Variants in CCDC150 observed in about 807,000 individuals in gnomAD.
The protein encoded by CCDC150 is coiled-coil domain-containing protein 150.
CCDC150 carries 151 observed loss-of-function variants against 156.5 expected under a neutral mutation model. The observed-to-expected ratio is 0.97, with a 90% CI of 0.85 to 1.10. The LOEUF is 1.10. Ranked by LOEUF, CCDC150 falls within the 50% of genes least tolerant of loss-of-function variation. CCDC150 has a pLI of 0.00. For synonymous variants in CCDC150, 452 were observed against 429.4 expected (o/e 1.05, Z -0.65); for missense variants, 1,312 against 1,268.1 (o/e 1.03, Z -0.53).
intron 13 of CCDC150, among the ~76,000 whole-genome samples, chr2:196,692,926 T>C (rs1410209996): frequency 6.6e-6 from 1 of 152,210 alleles, no homozygotes; most frequent in Non-Finnish European, 1.5e-5. Context: ...TGCTAAAATC[T>C]CCCACTGTTA....
At chr2:196,717,540 A>G (rs1053149538) in intron 17 of CCDC150, among the ~76,000 whole-genome samples, 2 of 152,196 alleles carry the variant, frequency 1.3e-5, no homozygotes, top group African/African-American at 2.4e-5. Context: ...TAATGTATGC[A>G]TGTCAATTTC....
chr2:196,704,507 G>A (rs751323352), intron 15 of CCDC150, among the ~76,000 whole-genome samples: 3 of 152,018 alleles, frequency 2.0e-5, no homozygotes, highest in South Asian at 2.1e-4. Flanking sequence ...ACTAGATTTT[G>A]TTATATTTCC....
At chr2:196,708,001 T>C (rs971900004) in intron 15 of CCDC150, among the ~76,000 whole-genome samples, 16 of 152,010 alleles carry the variant, frequency 1.1e-4, no homozygotes, top group African/African-American at 3.9e-4. Flanking sequence ...GGGTGGAGAG[T>C]TCTGTAGATG....
chr2:196,663,407 T>G (rs1693665026), intron 5 of CCDC150, among the ~76,000 whole-genome samples: 1 of 152,218 alleles, frequency 6.6e-6, no homozygotes, highest in Non-Finnish European at 1.5e-5. Context: ...AAGATGTTAG[T>G]TTTCATTTAT....
chr2:196,676,675 G>T lies in CCDC150; in HGVS notation c.1384G>T (p.Ala462Ser). The change falls in exon 12 of 28, where the codon GCA (alanine) becomes TCA (serine). Residue 462 changes from alanine (A) to serine (S), a missense_variant. Transcript: ENST00000389175. Reference protein sequence around the residue: ...TIARLRGELEASMQEKKSLLE... With the variant: ...TIARLRGELESSMQEKKSLLE... ...TGCAAGATTGCGAGGTGAATTGGAA[G>T]CATCAATGCAAGAGAAGAAGTCTCT... 8 of 1,613,830 alleles carry T rather than the reference G, an allele frequency of 5.0e-6. No individual in the cohort carries two copies. The highest frequency in any genetic ancestry group is 6.8e-6 in the Non-Finnish European group (8 of 1,179,778).
chr2:196,678,780 C>G (rs1347717358), intron 13 of CCDC150, among the ~76,000 whole-genome samples: 2 of 152,072 alleles, frequency 1.3e-5, no homozygotes, highest in Admixed American at 6.5e-5. Flanking sequence ...GTGGCGCACA[C>G]CTGTAATCCC....
chr2:196,656,112 A>G (rs554280197), intron 2 of CCDC150, among the ~76,000 whole-genome samples: 1 of 152,242 alleles, frequency 6.6e-6, no homozygotes, highest in South Asian at 2.1e-4. Context: ...ACACCCATAT[A>G]TAATCACCTC....
intron 13 of CCDC150, among the ~76,000 whole-genome samples, chr2:196,689,171 G>C (rs1695290233): frequency 6.6e-6 from 1 of 152,154 alleles, no homozygotes; most frequent in Admixed American, 6.5e-5. Context: ...TTTGAAGTCA[G>C]GTAGTGTGAT....
Position 196,676,199 on chromosome 2 carries a change from A to G in CCDC150, c.1194A>G (p.Ala398=), listed in dbSNP as rs367679012. Residue 398 remains alanine, a synonymous_variant, in exon 11 of 28, where the codon GCA becomes GCG. Coordinates refer to ENST00000389175, the MANE Select transcript of CCDC150 (RefSeq NM_001080539.2). ...TFQEQNLLLD[A]AHASITNELQ... ...AAGAACAAAACTTATTGCTGGATGC[A>G]GCCCATGCCAGTATCACAAATGAAC... The G allele has an allele frequency of 1.8e-5, 29 of 1,613,474 alleles. No individual in the cohort carries two copies. Among genetic ancestry groups the G allele is most frequent in the Non-Finnish European group, 2.5e-5 (29 of 1,179,540 alleles).
At chr2:196,726,556 T>C (rs1165177829) in intron 22 of CCDC150, 1 of 155,418 alleles carries the variant, frequency 6.4e-6, no homozygotes, top group Non-Finnish European at 1.4e-5. Flanking sequence ...ATCAGAGAAC[T>C]TTCTTGGGTA....
In CCDC150 at chr2:196,732,434, T is replaced by C; in HGVS notation, c.3190-12T>C. ...TGAACAGTCAGTGTTAGGTGTGTTT[T>C]CTTTCCAACAGGACCAAGATGTAAA... On this transcript the variant is annotated splice_polypyrimidine_tract_variant and intron_variant, in intron 27 of 27. Transcript: ENST00000389175. 6.3e-7 allele frequency: 1 copy of C among 1,599,486 alleles called. No individual in the cohort carries two copies. The highest frequency in any genetic ancestry group is 1.1e-5 in the South Asian group (1 of 90,794).
intron 13 of CCDC150, among the ~76,000 whole-genome samples, chr2:196,693,891 G>T (rs899638004): frequency 6.6e-6 from 1 of 151,848 alleles, no homozygotes. Flanking sequence ...GTATTAAGAT[G>T]GTTATATGGG....
At chr2:196,677,249 A>G (rs1694563459) in intron 12 of CCDC150, 44 bp from the exon 13 acceptor site, 2 of 1,311,348 alleles carry the variant, frequency 1.5e-6, no homozygotes, top group Non-Finnish European at 2.2e-6. Flanking sequence ...GTCAGCTGCT[A>G]TAAAATTGAC....
intron 15 of CCDC150, among the ~76,000 whole-genome samples, chr2:196,704,793 A>G (rs1235709110): frequency 2.0e-5 from 3 of 152,114 alleles, no homozygotes; most frequent in Non-Finnish European, 4.4e-5. Context: ...GAGTGAGAAC[A>G]TGGGGTGTTT....
At chr2:196,660,491 T>C (rs753511290) in intron 5 of CCDC150, among the ~76,000 whole-genome samples, 7 of 152,308 alleles carry the variant, frequency 4.6e-5, no homozygotes, top group African/African-American at 1.7e-4. Context: ...TTGTCAGTGT[T>C]TTGAATTTTT....
intron 13 of CCDC150, among the ~76,000 whole-genome samples, chr2:196,679,536 A>G (rs1421804679): frequency 6.6e-6 from 1 of 152,200 alleles, no homozygotes. Flanking sequence ...CCATTCACCA[A>G]CTGAAGGACA....
rs1694544759 is a variant in CCDC150 at position 196,676,979 on chromosome 2, G to T, written c.1440+248G>T. On this transcript the variant is annotated intron_variant, in intron 12 of 27. Transcript: ENST00000389175. ...TAGTAATTCACACATCCTGGTGTTAGTTAAGGGGTCAGATTTTAAAAATTG... is the reference window on the plus strand; with the variant it reads ...TAGTAATTCACACATCCTGGTGTTATTTAAGGGGTCAGATTTTAAAAATTG... 4.6e-6 allele frequency: 3 copies of T among 650,610 alleles called. No individual in the cohort carries two copies. The Admixed American group carries it at 6.3e-5, about 14-fold the overall frequency. 40.3% of individuals were successfully genotyped at this position (650,610 alleles called of 1,614,324 possible). A position where few individuals can be genotyped will look rare whatever the true frequency, so the allele number is the denominator to read the frequency against.
At chr2:196,718,843 T>TA (rs1432119604) in intron 18 of CCDC150, among the ~76,000 whole-genome samples, 2 of 152,192 alleles carry the variant, frequency 1.3e-5, no homozygotes, top group Non-Finnish European at 2.9e-5. Context: ...GTTTTTTTTT[T>TA]AACTTTCTGT....
At chr2:196,699,524 C>CT (rs34878991) in intron 14 of CCDC150, among the ~76,000 whole-genome samples, 111,422 of 145,954 alleles carry the variant, frequency 0.76, 42,491 homozygotes, top group East Asian at 0.94. Flanking sequence ...ACTACTGTGC[C>CT]TTTTTTTTTT....
Sources: allele counts gnomAD v4.1 joint callset (sites outside exome capture counted in the v4.1 genomes callset), GRCh38; gene constraint gnomAD v4.1.1; transcripts MANE v1.5; gene names NCBI Gene and HGNC (gene_info 2026-07-23, HGNC 2026-07-21).